Variants in DLG2 observed in about 807,000 individuals in gnomAD.
DLG2 encodes the protein disks large homolog 2.
DLG2 carries 45 observed loss-of-function variants against 132.5 expected under a neutral mutation model. That is an observed-to-expected ratio of 0.34 (90% CI 0.27 to 0.44). The LOEUF (loss-of-function observed/expected upper bound fraction) is 0.44. Ranked by LOEUF, DLG2 falls within the 20% of genes least tolerant of loss-of-function variation. The pLI, the probability that DLG2 is intolerant of heterozygous loss-of-function variation, is 1.00. For missense variants in DLG2, 1,045 were observed against 1,196.9 expected (o/e 0.87, Z 1.87); for synonymous variants, 424 against 419.6 (o/e 1.01, Z -0.13).
chr11:83,567,631 C>T (rs771912214), intron 19 of DLG2, among the ~76,000 whole-genome samples: 3 of 152,056 alleles, frequency 2.0e-5, no homozygotes, highest in Admixed American at 6.6e-5. Flanking sequence ...GTGCTAAAGG[C>T]GTAGATTGCA....
intron 7 of DLG2, among the ~76,000 whole-genome samples, chr11:84,409,180 C>T (rs1333916062): frequency 6.6e-6 from 1 of 152,188 alleles, no homozygotes; most frequent in Admixed American, 6.5e-5. Flanking sequence ...CTGAGTGCTT[C>T]TCTATTCTGC....
intron 7 of DLG2, among the ~76,000 whole-genome samples, chr11:84,330,212 C>G (rs1454690661): frequency 6.6e-6 from 1 of 152,142 alleles, no homozygotes; most frequent in Non-Finnish European, 1.5e-5. Flanking sequence ...AACAGAGACT[C>G]AATAAAGGTC....
At chr11:84,517,424 T>C (rs2099277153) in intron 7 of DLG2, among the ~76,000 whole-genome samples, 1 of 151,596 alleles carries the variant, frequency 6.6e-6, no homozygotes, top group African/African-American at 2.4e-5. Flanking sequence ...ATCAGGGAAA[T>C]GCAAGTAAAA....
intron 6 of DLG2, among the ~76,000 whole-genome samples, chr11:84,651,392 T>C (rs1352005784): frequency 1.3e-5 from 2 of 152,160 alleles, no homozygotes; most frequent in Non-Finnish European, 2.9e-5. Context: ...CAATTAATTA[T>C]GTTAATGGGG....
chr11:83,580,866 C>T, intron 19 of DLG2, among the ~76,000 whole-genome samples: 1 of 119,640 alleles, frequency 8.4e-6, no homozygotes, highest in Admixed American at 8.5e-5. Context: ...CTTACTTCCT[C>T]CACCCTTCTC....
At chr11:84,501,210 GA>G (rs1403614203) in intron 7 of DLG2, among the ~76,000 whole-genome samples, 2 of 152,176 alleles carry the variant, frequency 1.3e-5, no homozygotes, top group Non-Finnish European at 2.9e-5. Context: ...TTTTAATTAT[GA>G]AGAACTTCAA....
intron 19 of DLG2, among the ~76,000 whole-genome samples, chr11:83,585,362 C>G (rs932958606): frequency 1.3e-5 from 2 of 152,188 alleles, no homozygotes; most frequent in Non-Finnish European, 1.5e-5. Flanking sequence ...CCACAACCCT[C>G]TCTGCTACTT....
rs144352823 is a variant in DLG2 at position 84,375,434 on chromosome 11, C to T, written c.520-124143G>A. On this transcript the variant is annotated intron_variant, in intron 7 of 27. Coordinates refer to ENST00000376104, the MANE Select transcript of DLG2 (RefSeq NM_001142699.3). ...TGCTGCTGAGTCTGATAACATGGCA[C>T]ACCATGTTAATGTCATTTTATAATA... Among the ~76,000 whole-genome samples the T allele has an allele frequency of 1.9e-3, 282 of 152,196 alleles. 1 individual carries two copies. Among genetic ancestry groups the T allele is most frequent in the Non-Finnish European group, 3.2e-3 (218 of 67,956 alleles).
intron 6 of DLG2, among the ~76,000 whole-genome samples, chr11:84,538,366 T>C (rs1249098622): frequency 3.3e-5 from 5 of 152,206 alleles, no homozygotes; most frequent in Admixed American, 6.5e-5. Context: ...TTTTTACCCA[T>C]TGAAGGCTCA....
intron 15 of DLG2, among the ~76,000 whole-genome samples, chr11:83,885,313 G>C (rs1053153475): frequency 6.6e-6 from 1 of 152,152 alleles, no homozygotes; most frequent in Non-Finnish European, 1.5e-5. Context: ...GAAACCTCAG[G>C]AGCCAATGTG....
In DLG2 at chr11:84,526,209, G is replaced by C. The variant is rs182598863; in HGVS notation, c.519+8361C>G. Among the ~76,000 whole-genome samples the C allele has an allele frequency of 4.9e-4, 75 of 152,016 alleles. 2 individuals are homozygous for C. In the East Asian group the frequency reaches 9.7e-3, roughly 20 times the overall value. ...TATATTTCATATTATTATAGTAAAG[G>C]CTCTGAGAAATCCTTCAATAAGTTA... On this transcript the variant is annotated intron_variant, in intron 7 of 27. Coordinates refer to ENST00000376104, the MANE Select transcript of DLG2 (RefSeq NM_001142699.3).
At chr11:85,007,710 AAAG>A (rs1344370626) in intron 6 of DLG2, among the ~76,000 whole-genome samples, 1 of 151,656 alleles carries the variant, frequency 6.6e-6, no homozygotes, top group Non-Finnish European at 1.5e-5. Flanking sequence ...AGAAAAAGAA[AAAG>A]AAGAAAAGAA....
chr11:84,180,779 G>T (rs970226), intron 8 of DLG2, among the ~76,000 whole-genome samples: 126,321 of 151,898 alleles, frequency 0.83, 52,908 homozygotes, highest in Middle Eastern at 0.91. Context: ...GTGAAATATT[G>T]AAAGTGTGGG....
At chr11:85,570,736 G>T (rs1423502544) in intron 3 of DLG2, among the ~76,000 whole-genome samples, 2 of 151,962 alleles carry the variant, frequency 1.3e-5, no homozygotes, top group Non-Finnish European at 2.9e-5. Flanking sequence ...ATTTCATTAT[G>T]TGTATGTTGG....
intron 3 of DLG2, among the ~76,000 whole-genome samples, chr11:85,331,313 C>A (rs2081726203): frequency 6.6e-6 from 1 of 152,062 alleles, no homozygotes; most frequent in South Asian, 2.1e-4. Flanking sequence ...AATATATATA[C>A]CTCTTAGAGG....
intron 3 of DLG2, among the ~76,000 whole-genome samples, chr11:85,377,389 G>A (rs947351618): frequency 3.3e-5 from 5 of 152,024 alleles, no homozygotes; most frequent in African/African-American, 1.2e-4. Context: ...CTTTCGAAAG[G>A]AGGCAGCAAT....
intron 3 of DLG2, among the ~76,000 whole-genome samples, chr11:85,337,436 C>T (rs2082208269): frequency 6.6e-6 from 1 of 152,076 alleles, no homozygotes; most frequent in African/African-American, 2.4e-5. Context: ...GATTCCTAAA[C>T]TTAGTGTTTA....
chr11:83,801,339 A>C (rs2044319614), intron 17 of DLG2, among the ~76,000 whole-genome samples: 1 of 152,066 alleles, frequency 6.6e-6, no homozygotes, highest in African/African-American at 2.4e-5. Flanking sequence ...CGGCAGCCAG[A>C]ATGATCTCAA....
intron 9 of DLG2, among the ~76,000 whole-genome samples, chr11:84,151,602 T>A (rs760826141): frequency 6.6e-6 from 1 of 152,180 alleles, no homozygotes; most frequent in Non-Finnish European, 1.5e-5. Context: ...GGTTAGTTTG[T>A]TCTTGTTTTT....
Sources: gnomAD v4.1 joint callset for allele counts (sites outside exome capture counted in the v4.1 genomes callset) on GRCh38, gnomAD v4.1.1 for gene constraint, MANE v1.5 for transcripts, NCBI Gene and HGNC (gene_info 2026-07-23, HGNC 2026-07-21) for gene names.